The following TGFBR3 variants were observed in gnomAD, a reference collection of about 807,000 sequenced individuals.
TGFBR3 encodes transforming growth factor beta receptor 3.
A neutral mutation model predicts 87.9 loss-of-function variants in TGFBR3; 46 were observed. The observed-to-expected ratio is 0.52, with a 90% confidence interval of 0.41 to 0.67. The LOEUF (loss-of-function observed/expected upper bound fraction) is 0.67. TGFBR3 is among the 30% of genes least tolerant of loss of function. TGFBR3 has a pLI of 0.00. For missense variants in TGFBR3, 866 were observed against 1,041.9 expected (o/e 0.83, Z 2.32); for synonymous variants, 381 against 391.6 (o/e 0.97, Z 0.32).
In TGFBR3 at chr1:91,861,909, A is replaced by G. The variant is rs554445284; in HGVS notation, c.-113-265T>C. 1.0e-5 allele frequency: 3 copies of G among 300,674 alleles called. No homozygotes were observed. In the Admixed American group the frequency reaches 1.6e-4, roughly 16 times the overall value. 18.6% of individuals were successfully genotyped at this position (300,674 alleles called of 1,614,324 possible). ...TCTCTCTCTGTCGCCAAGCTGGAGCACAGTGGCGCAGTCTTGGCTCACTGC... is the reference window on the plus strand; with the variant it reads ...TCTCTCTCTGTCGCCAAGCTGGAGCGCAGTGGCGCAGTCTTGGCTCACTGC... On this transcript the variant is annotated intron_variant, in intron 1 of 16. Coordinates refer to ENST00000212355, the MANE Select transcript of TGFBR3 (RefSeq NM_003243.5).
intron 2 of TGFBR3, among the ~76,000 whole-genome samples, chr1:91,817,074 G>A (rs1676260139): frequency 6.6e-6 from 1 of 152,070 alleles, no homozygotes; most frequent in African/African-American, 2.4e-5. Context: ...TCAGAATACA[G>A]TCTCCAATTA....
chr1:91,854,195 T>C (rs994826928), intron 2 of TGFBR3, among the ~76,000 whole-genome samples: 2 of 152,138 alleles, frequency 1.3e-5, no homozygotes, highest in African/African-American at 2.4e-5. Context: ...CAAGGTATTA[T>C]AGTAGCCACT....
chr1:91,871,783 C>T (rs991605289), intron 1 of TGFBR3, among the ~76,000 whole-genome samples: 1 of 152,102 alleles, frequency 6.6e-6, no homozygotes, highest in African/African-American at 2.4e-5. Context: ...AAGTGCGGGG[C>T]CCCCATAGCC....
At chr1:91,710,327 A>C (rs1017882191) in intron 13 of TGFBR3, among the ~76,000 whole-genome samples, 1 of 151,958 alleles carries the variant, frequency 6.6e-6, no homozygotes, top group Non-Finnish European at 1.5e-5. Flanking sequence ...AAAAACAACA[A>C]ATTTTCTGTG....
intron 3 of TGFBR3, among the ~76,000 whole-genome samples, chr1:91,774,716 G>A (rs1202309016): frequency 6.6e-6 from 1 of 152,094 alleles, no homozygotes; most frequent in Non-Finnish European, 1.5e-5. Flanking sequence ...ATTCTTTCAG[G>A]GCAACAGGCA....
chr1:91,727,869 C>T, intron 6 of TGFBR3, 63 bp from the exon 7 acceptor site: 2 of 1,586,866 alleles, frequency 1.3e-6, no homozygotes, highest in Admixed American at 3.3e-5. Flanking sequence ...ACTATCTCCC[C>T]TCTTCCAAGT....
intron 10 of TGFBR3, among the ~76,000 whole-genome samples, chr1:91,717,117 T>C (rs2100773528): frequency 6.6e-6 from 1 of 152,344 alleles, no homozygotes; most frequent in Admixed American, 6.5e-5. Flanking sequence ...CTCTAAGAAC[T>C]ACTAGCAGTT....
chr1:91,843,160 C>T (rs752249638), intron 2 of TGFBR3, among the ~76,000 whole-genome samples: 6 of 152,178 alleles, frequency 3.9e-5, no homozygotes, highest in African/African-American at 1.2e-4. Flanking sequence ...GTGTTACGGA[C>T]TGAATGTGTA....
chr1:91,842,669 G>A (rs1429579308), intron 2 of TGFBR3, among the ~76,000 whole-genome samples: 1 of 152,094 alleles, frequency 6.6e-6, no homozygotes, highest in East Asian at 1.9e-4. Flanking sequence ...CCCATAATAA[G>A]GTTGTTCTAG....
At chr1:91,770,960 C>T (rs72967150) in intron 3 of TGFBR3, 4 of 152,294 alleles carry the variant, frequency 2.6e-5, no homozygotes, top group African/African-American at 9.6e-5. Flanking sequence ...CTCAGTAAGT[C>T]AGCAGGGACT....
At chr1:91,759,313 G>GA (rs2100897235) in intron 3 of TGFBR3, among the ~76,000 whole-genome samples, 2 of 142,964 alleles carry the variant, frequency 1.4e-5, no homozygotes, top group African/African-American at 5.2e-5. Flanking sequence ...CTTTTAGCTT[G>GA]AAGGGCTTTT....
chr1:91,844,691 T>C (rs1413844766), intron 2 of TGFBR3, among the ~76,000 whole-genome samples: 1 of 152,256 alleles, frequency 6.6e-6, no homozygotes, highest in African/African-American at 2.4e-5. Context: ...TCAATTTAAC[T>C]ATCAGTTGTA....
At chr1:91,687,506 T>C (rs1671128826) in intron 16 of TGFBR3, among the ~76,000 whole-genome samples, 1 of 152,144 alleles carries the variant, frequency 6.6e-6, no homozygotes, top group South Asian at 2.1e-4. Context: ...CCATGGCAGG[T>C]CCTGGGGAAG....
intron 16 of TGFBR3, among the ~76,000 whole-genome samples, chr1:91,690,963 G>A (rs1671242948): frequency 6.6e-6 from 1 of 151,236 alleles, no homozygotes; most frequent in Non-Finnish European, 1.5e-5. Flanking sequence ...AGATGATACT[G>A]CACCCATGAA....
chr1:91,890,797 G>A (rs966783724), upstream of TGFBR3, among the ~76,000 whole-genome samples: 4 of 152,136 alleles, frequency 2.6e-5, no homozygotes, highest in Admixed American at 6.5e-5. Context: ...CCAGCAAGTG[G>A]CAGAGTCAGG....
chr1:91,835,068 G>T (rs887362109), intron 2 of TGFBR3, among the ~76,000 whole-genome samples: 1 of 152,144 alleles, frequency 6.6e-6, no homozygotes, highest in South Asian at 2.1e-4. Context: ...CAAGTGGGGG[G>T]CCCAGAGACC....
intron 3 of TGFBR3, among the ~76,000 whole-genome samples, chr1:91,777,328 C>T (rs1674600697): frequency 6.6e-6 from 1 of 152,218 alleles, no homozygotes; most frequent in Admixed American, 6.5e-5. Flanking sequence ...CCAGCATCAA[C>T]ACCAACAGGC....
At chr1:91,877,758 T>G (rs374728338) in intron 1 of TGFBR3, among the ~76,000 whole-genome samples, 1 of 152,200 alleles carries the variant, frequency 6.6e-6, no homozygotes, top group East Asian at 1.9e-4. Flanking sequence ...ATAATGAGTA[T>G]GACAGCTTAA....
chr1:91,758,638 G>A lies in TGFBR3; in HGVS notation c.359C>T (p.Ala120Val). 6.2e-7 allele frequency: 1 copy of A among 1,614,000 alleles called. No individual in the cohort carries two copies. The highest frequency in any genetic ancestry group is 8.5e-7 in the Non-Finnish European group (1 of 1,179,918). The change falls in exon 4 of 17, where the codon GCC becomes GTC. Residue 120 changes from alanine (A) to valine (V), a missense_variant. Transcript: ENST00000212355. ...LVWHLKTERL[A>V]TGVSRLFLVS... ...CAAAAACAGTCTGGAGACCCCAGTGGCAAGTCTCTCTGTCTTCAGATGCCA... is the reference window on the plus strand; with the variant it reads ...CAAAAACAGTCTGGAGACCCCAGTGACAAGTCTCTCTGTCTTCAGATGCCA...
Sources: gnomAD v4.1 joint callset for allele counts (sites outside exome capture counted in the v4.1 genomes callset) on GRCh38, gnomAD v4.1.1 for gene constraint, MANE v1.5 for transcripts, NCBI Gene and HGNC (gene_info 2026-07-23, HGNC 2026-07-21) for gene names.